Variants in TMCC1 observed in about 807,000 individuals in gnomAD.
The protein encoded by TMCC1 is transmembrane and coiled-coil domain family 1, also known as transmembrane and coiled-coil domains protein 1.
In TMCC1, 15 loss-of-function variants were observed where a neutral mutation model predicts 52.4. The ratio of observed to expected loss-of-function variants is 0.29; its 90% CI spans 0.19 to 0.44. The LOEUF is 0.44. Among genes scored for constraint, TMCC1 ranks in the 20% least tolerant of loss-of-function variants. TMCC1 has a pLI of 1.00. For missense variants in TMCC1, 503 were observed against 806.0 expected (o/e 0.62, Z 4.55); for synonymous variants, 279 against 301.9 (o/e 0.92, Z 0.79).
intron 4 of TMCC1, among the ~76,000 whole-genome samples, chr3:129,712,990 G>C (rs1210152647): frequency 6.6e-6 from 1 of 152,086 alleles, no homozygotes; most frequent in Non-Finnish European, 1.5e-5. Context: ...GGCTGGGCGT[G>C]GTGGCTCACA....
At chr3:129,834,754 G>A (rs2059078398) in intron 2 of TMCC1, among the ~76,000 whole-genome samples, 1 of 152,178 alleles carries the variant, frequency 6.6e-6, no homozygotes, top group South Asian at 2.1e-4. Flanking sequence ...ACAAAGTACT[G>A]AAGAGTCAAC....
intron 6 of TMCC1, among the ~76,000 whole-genome samples, chr3:129,653,792 A>G (rs1035424612): frequency 6.6e-6 from 1 of 152,178 alleles, no homozygotes; most frequent in African/African-American, 2.4e-5. Flanking sequence ...TTAAAAGTCT[A>G]TATTACCAAG....
intron 4 of TMCC1, among the ~76,000 whole-genome samples, chr3:129,717,272 G>A (rs2049179838): frequency 1.3e-5 from 2 of 152,182 alleles, no homozygotes; most frequent in African/African-American, 4.8e-5. Context: ...CCAAAGAGAA[G>A]TTCTTAGTCC....
intron 4 of TMCC1, among the ~76,000 whole-genome samples, chr3:129,724,830 C>T (rs1366323006): frequency 2.0e-5 from 3 of 152,054 alleles, no homozygotes; most frequent in African/African-American, 7.2e-5. Context: ...AAAATTTAGC[C>T]AGGAAACACA....
intron 4 of TMCC1, among the ~76,000 whole-genome samples, chr3:129,681,552 G>A (rs531680788): frequency 6.6e-6 from 1 of 152,012 alleles, no homozygotes; most frequent in East Asian, 1.9e-4. Context: ...AGGCTGGTGG[G>A]TAGGAGGCCA....
intron 4 of TMCC1, among the ~76,000 whole-genome samples, chr3:129,745,133 G>C (rs867219453): frequency 1.3e-5 from 2 of 152,148 alleles, no homozygotes; most frequent in African/African-American, 2.4e-5. Context: ...AGATTTCAAG[G>C]TATCAGCTAC....
At position 129,651,437 on chromosome 3, in the gene TMCC1, A is replaced by G. The variant is rs1305098863; in HGVS notation, c.*44T>C. On this transcript the variant is annotated 3_prime_UTR_variant, in exon 7 of 7. Coordinates refer to ENST00000393238, the MANE Select transcript of TMCC1 (RefSeq NM_001017395.5). The surrounding 1 kb of genome is among the most constrained non-coding windows in gnomAD (Gnocchi z 5.1). ...AAGTTGCTGTCTAACTCTCTGCTGC[A>G]TGCACTCGCCAGAGGGTAGGGAACA... 6.3e-7 allele frequency: 1 copy of G among 1,575,330 alleles called. No homozygotes were observed. Among genetic ancestry groups the G allele is most frequent in the South Asian group, 1.2e-5 (1 of 85,654 alleles).
At chr3:129,659,119 A>C (rs1025362357) in intron 5 of TMCC1, among the ~76,000 whole-genome samples, 1 of 140,290 alleles carries the variant, frequency 7.1e-6, no homozygotes, top group African/African-American at 2.7e-5. Flanking sequence ...TTTTTTAAAG[A>C]GATGGGGTCT....
In TMCC1 at chr3:129,827,809, C is replaced by T. The variant is rs748231267; in HGVS notation, c.570G>A (p.Ala190=). 20 of 1,612,170 alleles carry T rather than the reference C, an allele frequency of 1.2e-5. No homozygotes were observed. The highest frequency in any genetic ancestry group is 5.5e-5 in the South Asian group (5 of 91,042). Residue 190 remains alanine (A), a synonymous_variant, in exon 4 of 7, where the codon GCG becomes GCA. Transcript: ENST00000393238. ...AACLPGEEGT[A]ERIERLEVSS... is the part of the protein sequence containing the mutation. ...CAAAATCTTACAAACTTACCCGCTCCGCAGTTCCCTCCTCTCCTGGTAGAC... is the reference window on the plus strand; with the variant it reads ...CAAAATCTTACAAACTTACCCGCTCTGCAGTTCCCTCCTCTCCTGGTAGAC...
At chr3:129,760,457 T>TGTGTGC (rs2053457155) in intron 4 of TMCC1, among the ~76,000 whole-genome samples, 1 of 57,904 alleles carries the variant, frequency 1.7e-5, no homozygotes, top group Non-Finnish European at 2.7e-5. Flanking sequence ...TCTCGCTCTG[T>TGTGTGC]GTGTGTGTGT....
intron 4 of TMCC1, among the ~76,000 whole-genome samples, chr3:129,817,410 C>T (rs951797186): frequency 6.6e-5 from 10 of 152,148 alleles, no homozygotes; most frequent in African/African-American, 2.4e-4. Context: ...GATCAAACTA[C>T]TGCACTCCAG....
At position 129,728,518 on chromosome 3, in the gene TMCC1, T is replaced by C. The variant is rs2050286534; in HGVS notation, c.577-57254A>G. On this transcript the variant is annotated intron_variant, in intron 4 of 6. Transcript: ENST00000393238. ...CCAGGCTGGTTTTGAACTCCTGACC[T>C]TGTGATCTGCCCATCTCGGCCTCCC... Among the ~76,000 whole-genome samples, 3 of 152,160 alleles carry C rather than the reference T, an allele frequency of 2.0e-5. No individual in the cohort carries two copies. In the South Asian group the frequency reaches 6.2e-4, roughly 31 times the overall value.
intron 4 of TMCC1, among the ~76,000 whole-genome samples, chr3:129,734,093 T>C (rs2050749550): frequency 6.6e-6 from 1 of 152,272 alleles, no homozygotes; most frequent in Non-Finnish European, 1.5e-5. Flanking sequence ...AGAAACTCCA[T>C]ATATTTGCAT....
intron 4 of TMCC1, among the ~76,000 whole-genome samples, chr3:129,795,177 G>A (rs2056740165): frequency 6.6e-6 from 1 of 151,882 alleles, no homozygotes; most frequent in African/African-American, 2.4e-5. Flanking sequence ...GCCCTCTCTT[G>A]TTGGAATGAA....
intron 4 of TMCC1, among the ~76,000 whole-genome samples, chr3:129,672,691 C>A (rs2088059282): frequency 6.6e-6 from 1 of 152,118 alleles, no homozygotes; most frequent in Non-Finnish European, 1.5e-5. Flanking sequence ...TAATAAAAAT[C>A]CCCAGTATAA....
intron 4 of TMCC1, among the ~76,000 whole-genome samples, chr3:129,821,029 G>A (rs976861054): frequency 6.6e-6 from 1 of 152,052 alleles, no homozygotes; most frequent in African/African-American, 2.4e-5. Context: ...CTCAAATCTT[G>A]CTTCAATTTT....
intron 4 of TMCC1, among the ~76,000 whole-genome samples, chr3:129,696,964 T>C (rs1341280609): frequency 2.0e-5 from 3 of 152,202 alleles, no homozygotes; most frequent in Non-Finnish European, 4.4e-5. Flanking sequence ...GGTGCTTTCA[T>C]GGGGTGGCGT....
At chr3:129,843,778 G>T (rs919816401) in intron 2 of TMCC1, among the ~76,000 whole-genome samples, 1 of 151,874 alleles carries the variant, frequency 6.6e-6, no homozygotes, top group African/African-American at 2.4e-5. Context: ...GGTTTTAATG[G>T]TTAATTCGAC....
intron 2 of TMCC1, among the ~76,000 whole-genome samples, chr3:129,849,836 A>T (rs1022331545): frequency 6.6e-6 from 1 of 152,106 alleles, no homozygotes; most frequent in East Asian, 1.9e-4. Flanking sequence ...CCATGTATAT[A>T]TATGTATGTG....
Sources: allele counts gnomAD v4.1 joint callset (sites outside exome capture counted in the v4.1 genomes callset), GRCh38; gene constraint gnomAD v4.1.1; non-coding constraint Gnocchi (gnomAD v3.1); transcripts MANE v1.5; gene names NCBI Gene and HGNC (gene_info 2026-07-23, HGNC 2026-07-21).